Variants in CHST11 observed in about 807,000 individuals in gnomAD.
The protein encoded by CHST11 is C4S-1.
In CHST11, 9 loss-of-function variants were observed where a neutral mutation model predicts 30.4. The ratio of observed to expected loss-of-function variants is 0.30; its 90% CI spans 0.18 to 0.52. The LOEUF (loss-of-function observed/expected upper bound fraction) is 0.52, where lower values mean the gene tolerates loss of function less well. CHST11 is among the 20% of genes least tolerant of loss of function. The pLI, the probability that CHST11 is intolerant of heterozygous loss-of-function variation, is 0.97. For synonymous variants in CHST11, 152 were observed against 187.8 expected, an observed-to-expected ratio of 0.81 and a Z score of 1.56; for missense variants, 348 against 460.6, an observed-to-expected ratio of 0.76 and a Z score of 2.24.
At position 104,492,348 on chromosome 12, in the gene CHST11, C is replaced by T. The variant is rs554781672; in HGVS notation, c.118+34819C>T. On this transcript the variant is annotated intron_variant, in intron 1 of 2. Coordinates refer to ENST00000303694, the MANE Select transcript of CHST11 (RefSeq NM_018413.6). ...CCTGACCTTGTGATCTGCCTGCCTCCACCTCCCAAAGTGTTTTATTTATTT... is the reference window on the plus strand; with the variant it reads ...CCTGACCTTGTGATCTGCCTGCCTCTACCTCCCAAAGTGTTTTATTTATTT... 5.3e-5 allele frequency among the ~76,000 whole-genome samples: 8 copies of T among 152,128 alleles called. No individual in the cohort carries two copies. The South Asian group carries it at 1.7e-3, about 32-fold the overall frequency.
chr12:104,544,159 A>AAGGAAGGAAGGAAGGAAGGAAGG, intron 1 of CHST11, among the ~76,000 whole-genome samples: 1 of 37,264 alleles, frequency 2.7e-5, no homozygotes, highest in African/African-American at 7.5e-5. Context: ...AGAAAGAAAG[A>AAGGAAGGAAGGAAGGAAGGAAGG]AAGAAAGAAA....
chr12:104,738,095 C>T lies in CHST11; in HGVS notation c.205-18854C>T, dbSNP rs982588038. Among the ~76,000 whole-genome samples the T allele has an allele frequency of 3.3e-5, 5 of 152,298 alleles. No homozygotes were observed. The East Asian group carries it at 9.7e-4, about 29-fold the overall frequency. On this transcript the variant is annotated intron_variant, in intron 2 of 2. Transcript: ENST00000303694. ...ATCCCAACGTCCCGCCCTGCTGGAC[C>T]GGTGTAATTATGTCTGCTACACTTC...
intron 2 of CHST11, among the ~76,000 whole-genome samples, chr12:104,621,516 G>T (rs749905113): frequency 3.3e-5 from 5 of 152,236 alleles, no homozygotes; most frequent in Non-Finnish European, 5.9e-5. Context: ...AAGATGGAGA[G>T]ATTATCCTGG....
intron 1 of CHST11, among the ~76,000 whole-genome samples, chr12:104,515,361 C>G (rs965245776): frequency 2.6e-5 from 4 of 152,136 alleles, no homozygotes; most frequent in African/African-American, 7.2e-5. Flanking sequence ...TGTGCCAGCC[C>G]CTGATGTAGG....
chr12:104,624,661 C>CA (rs1476741672), intron 2 of CHST11, among the ~76,000 whole-genome samples: 1 of 152,198 alleles, frequency 6.6e-6, no homozygotes, highest in Non-Finnish European at 1.5e-5. Context: ...CAGAGCCTGA[C>CA]AGTGGCAGGC....
chr12:104,676,484 G>A lies in CHST11; in HGVS notation c.204+74493G>A, dbSNP rs569145584. Among the ~76,000 whole-genome samples, 24 of 152,240 alleles carry A rather than the reference G, an allele frequency of 1.6e-4. No individual in the cohort carries two copies. The highest frequency in any genetic ancestry group is 5.3e-4 in the African/African-American group (22 of 41,546). ...GGCTGGAGTGCAGTGGCGCAATCTC[G>A]GCTCACTGCAACCTCCGCCTCCCGG... is the stretch of plus-strand genomic sequence containing the variant. On this transcript the variant is annotated intron_variant, in intron 2 of 2. Coordinates refer to ENST00000303694, the MANE Select transcript of CHST11 (RefSeq NM_018413.6). The surrounding 1 kb of genome is among the most constrained non-coding windows in gnomAD (Gnocchi z 4.4).
intron 1 of CHST11, among the ~76,000 whole-genome samples, chr12:104,564,151 T>G: frequency 6.6e-6 from 1 of 152,194 alleles, no homozygotes; most frequent in East Asian, 1.9e-4. Flanking sequence ...CAGAGTGGGC[T>G]GAGACCTGAG....
intron 1 of CHST11, among the ~76,000 whole-genome samples, chr12:104,534,069 G>A (rs1343539172): frequency 6.6e-6 from 1 of 152,110 alleles, no homozygotes; most frequent in African/African-American, 2.4e-5. Flanking sequence ...CTAAAATGTG[G>A]TTTTCTTAAG....
At chr12:104,713,579 A>G (rs1486954862) in intron 2 of CHST11, among the ~76,000 whole-genome samples, 1 of 152,218 alleles carries the variant, frequency 6.6e-6, no homozygotes, top group Non-Finnish European at 1.5e-5. Context: ...GCTAAAGGGT[A>G]GGTAACAGGA....
At chr12:104,640,772 T>TC (rs1273124665) in intron 2 of CHST11, among the ~76,000 whole-genome samples, 19 of 152,142 alleles carry the variant, frequency 1.2e-4, no homozygotes, top group African/African-American at 4.6e-4. Context: ...ACAACATATG[T>TC]ACCACACCAA....
chr12:104,687,272 G>A (rs1044402453), intron 2 of CHST11, among the ~76,000 whole-genome samples: 3 of 152,234 alleles, frequency 2.0e-5, no homozygotes, highest in Admixed American at 1.3e-4. Flanking sequence ...GGGTGGTCAA[G>A]CCAAGGGTTG....
At chr12:104,498,479 T>C (rs2037822061) in intron 1 of CHST11, among the ~76,000 whole-genome samples, 1 of 152,184 alleles carries the variant, frequency 6.6e-6, no homozygotes, top group Non-Finnish European at 1.5e-5. Flanking sequence ...CAGTGGGGCT[T>C]AACCTCAAAC....
At chr12:104,727,252 C>T (rs1301399626) in intron 2 of CHST11, among the ~76,000 whole-genome samples, 1 of 152,210 alleles carries the variant, frequency 6.6e-6, no homozygotes, top group East Asian at 1.9e-4. Context: ...CCCTCAGGGG[C>T]CTACATTCAA....
intron 1 of CHST11, among the ~76,000 whole-genome samples, chr12:104,561,948 G>A (rs1274516382): frequency 6.6e-6 from 1 of 151,996 alleles, no homozygotes; most frequent in Non-Finnish European, 1.5e-5. Context: ...TGAGGCTTAG[G>A]GAAGTCAGAG....
chr12:104,591,135 T>C (rs2038853956), intron 1 of CHST11, among the ~76,000 whole-genome samples: 1 of 151,274 alleles, frequency 6.6e-6, no homozygotes, highest in South Asian at 2.1e-4. Context: ...GCTTGGTTTT[T>C]TGGAGAAAGA....
At chr12:104,691,222 G>A (rs532692650) in intron 2 of CHST11, among the ~76,000 whole-genome samples, 3 of 152,264 alleles carry the variant, frequency 2.0e-5, no homozygotes, top group Admixed American at 6.5e-5. Context: ...GGTTCAGCCC[G>A]TTCTGAACTG....
At chr12:104,619,858 C>T (rs2136059668) in intron 2 of CHST11, among the ~76,000 whole-genome samples, 1 of 152,298 alleles carries the variant, frequency 6.6e-6, no homozygotes, top group East Asian at 1.9e-4. Context: ...ATTCTGGTTT[C>T]TACTTTTCAA....
chr12:104,545,525 C>G (rs894793580), intron 1 of CHST11, among the ~76,000 whole-genome samples: 1 of 152,184 alleles, frequency 6.6e-6, no homozygotes, highest in African/African-American at 2.4e-5. Context: ...TATCTAGAAG[C>G]CTTGGCTTAA....
At chr12:104,486,768 C>A (rs2037683261) in intron 1 of CHST11, among the ~76,000 whole-genome samples, 1 of 152,162 alleles carries the variant, frequency 6.6e-6, no homozygotes, top group Non-Finnish European at 1.5e-5. Flanking sequence ...AAAGAACTTC[C>A]CTGGGAGTAG....
Sources: gnomAD v4.1 joint callset for allele counts (sites outside exome capture counted in the v4.1 genomes callset) on GRCh38, gnomAD v4.1.1 for gene constraint, Gnocchi (gnomAD v3.1) non-coding constraint, MANE v1.5 for transcripts, NCBI Gene and HGNC (gene_info 2026-07-23, HGNC 2026-07-21) for gene names.